CCSER1: variants seen among roughly 807,000 people sequenced by gnomAD.
CCSER1 encodes the protein coiled-coil serine rich protein 1.
Under a neutral mutation model 82.0 loss-of-function variants are expected in CCSER1, and 41 were observed. The ratio of observed to expected loss-of-function variants is 0.50; its 90% CI spans 0.39 to 0.65. The LOEUF (loss-of-function observed/expected upper bound fraction) is 0.65, where lower values mean the gene tolerates loss of function less well. Among genes scored for constraint, CCSER1 ranks in the 30% least tolerant of loss-of-function variants. CCSER1 has a pLI of 0.00. For missense variants in CCSER1, 1,119 were observed against 1,064.2 expected, an observed-to-expected ratio of 1.05 and a Z score of -0.72; for synonymous variants, 414 against 383.9, an observed-to-expected ratio of 1.08 and a Z score of -0.92.
chr4:90,813,476 C>A (rs1258244620), intron 7 of CCSER1, among the ~76,000 whole-genome samples: 1 of 152,190 alleles, frequency 6.6e-6, no homozygotes, highest in Non-Finnish European at 1.5e-5. Flanking sequence ...CCACCCAAAT[C>A]TCAACTTGAA....
chr4:91,383,858 G>A (rs957585888), intron 10 of CCSER1, among the ~76,000 whole-genome samples: 4 of 152,172 alleles, frequency 2.6e-5, no homozygotes, highest in Non-Finnish European at 4.4e-5. Flanking sequence ...GTAGCAAGTA[G>A]AGTGTTGCAT....
intron 1 of CCSER1, among the ~76,000 whole-genome samples, chr4:90,162,230 C>A (rs971657034): frequency 2.6e-5 from 4 of 152,062 alleles, no homozygotes; most frequent in African/African-American, 9.7e-5. Context: ...AAGCAGAAAG[C>A]CTTCCCTTTA....
chr4:91,476,295 G>C (rs1039349140), intron 10 of CCSER1, among the ~76,000 whole-genome samples: 1 of 151,664 alleles, frequency 6.6e-6, no homozygotes. Context: ...ATCCTTGCAA[G>C]CATTATTTTC....
chr4:91,016,040 G>T (rs1739402886), intron 9 of CCSER1, among the ~76,000 whole-genome samples: 1 of 151,898 alleles, frequency 6.6e-6, no homozygotes. Flanking sequence ...AGATTTCTTG[G>T]ATCACGAGTT....
intron 7 of CCSER1, among the ~76,000 whole-genome samples, chr4:90,746,544 T>C (rs2149463176): frequency 6.6e-6 from 1 of 152,284 alleles, no homozygotes; most frequent in African/African-American, 2.4e-5. Flanking sequence ...TAGGTCCGAA[T>C]TCATTTTGAG....
chr4:90,135,646 T>C (rs765883108), intron 1 of CCSER1, among the ~76,000 whole-genome samples: 3 of 152,230 alleles, frequency 2.0e-5, no homozygotes, highest in Non-Finnish European at 4.4e-5. Flanking sequence ...GAGTGCTTTC[T>C]AAACGACAGT....
At chr4:91,027,556 C>T (rs144019235) in intron 9 of CCSER1, among the ~76,000 whole-genome samples, 2 of 152,024 alleles carry the variant, frequency 1.3e-5, no homozygotes, top group African/African-American at 4.8e-5. Context: ...CTTTTTGGGG[C>T]ACAGTAAATA....
intron 10 of CCSER1, among the ~76,000 whole-genome samples, chr4:91,374,721 C>T (rs907597445): frequency 1.1e-4 from 17 of 152,192 alleles, no homozygotes; most frequent in African/African-American, 2.2e-4. Flanking sequence ...TTAGGCCGGG[C>T]GTGATGGCTC....
intron 8 of CCSER1, among the ~76,000 whole-genome samples, chr4:90,922,230 A>C (rs535795061): frequency 6.6e-6 from 1 of 151,974 alleles, no homozygotes; most frequent in Non-Finnish European, 1.5e-5. Context: ...TTTGATAAAC[A>C]TCTCAGATAA....
chr4:90,425,614 A>G (rs1757414935), intron 4 of CCSER1, among the ~76,000 whole-genome samples: 1 of 152,170 alleles, frequency 6.6e-6, no homozygotes, highest in African/African-American at 2.4e-5. Flanking sequence ...CCAGAGTAAT[A>G]ATCTAGCCTC....
Position 91,174,973 on chromosome 4 carries a change from TCC to T in CCSER1, c.2217+88984_2217+88985del, listed in dbSNP as rs1369639574. Among the ~76,000 whole-genome samples, 449 of 152,028 alleles carry T rather than the reference TCC, an allele frequency of 3.0e-3. 1 individual carries two copies. Among genetic ancestry groups the T allele is most frequent in the African/African-American group, 0.01 (423 of 41,464 alleles). On this transcript the variant is annotated intron_variant, in intron 10 of 10. Coordinates refer to ENST00000509176, the MANE Select transcript of CCSER1 (RefSeq NM_001145065.2). Reference sequence around the variant, plus strand: ...ATCTCCTAATGCTATCTCTCCCTGCTCCCCCCACCCCACAACAGGCCCCAGTG... The same window carrying T: ...ATCTCCTAATGCTATCTCTCCCTGCTCCCCACCCCACAACAGGCCCCAGTG...
At chr4:91,056,043 T>C (rs1743415633) in intron 9 of CCSER1, among the ~76,000 whole-genome samples, 1 of 152,134 alleles carries the variant, frequency 6.6e-6, no homozygotes, top group Admixed American at 6.6e-5. Flanking sequence ...TTGGTTACTT[T>C]TTAAGTTTTT....
intron 7 of CCSER1, among the ~76,000 whole-genome samples, chr4:90,779,973 C>A (rs553898957): frequency 6.6e-6 from 1 of 152,232 alleles, no homozygotes; most frequent in South Asian, 2.1e-4. Flanking sequence ...TTAAATTATT[C>A]TTTAAATAAT....
At position 90,932,171 on chromosome 4, in the gene CCSER1, T is replaced by C. The variant is rs115447920; in HGVS notation, c.2172+8724T>C. Among the ~76,000 whole-genome samples, 1,216 of 152,324 alleles carry C rather than the reference T, an allele frequency of 8.0e-3. 7 individuals are homozygous for C. The highest frequency in any genetic ancestry group is 0.011 in the Non-Finnish European group (774 of 68,016). On this transcript the variant is annotated intron_variant, in intron 9 of 10. Coordinates refer to ENST00000509176, the MANE Select transcript of CCSER1 (RefSeq NM_001145065.2). ...ATTGTTAAGATGGTAATTAGAATTTTAAATTTATAAAGTTGATCTATTATA... is the reference window on the plus strand; with the variant it reads ...ATTGTTAAGATGGTAATTAGAATTTCAAATTTATAAAGTTGATCTATTATA...
chr4:90,508,313 C>A (rs907675004), intron 5 of CCSER1, among the ~76,000 whole-genome samples: 1 of 151,890 alleles, frequency 6.6e-6, no homozygotes, highest in Non-Finnish European at 1.5e-5. Context: ...TTTATCTCAC[C>A]TTGAATGTCC....
At position 90,513,879 on chromosome 4, in the gene CCSER1, G is replaced by C. The variant is rs184828364; in HGVS notation, c.1724+45525G>C. 1.4e-4 allele frequency among the ~76,000 whole-genome samples: 22 copies of C among 152,214 alleles called. No individual in the cohort carries two copies. The East Asian group carries it at 4.1e-3, about 28-fold the overall frequency. ...TGATGTTACGAGTTTCAAAGCTGTG[G>C]GTGGATTACAGAGGTAGGAGGCAGA... is the stretch of plus-strand genomic sequence containing the variant. On this transcript the variant is annotated intron_variant, in intron 5 of 10. Coordinates refer to ENST00000509176, the MANE Select transcript of CCSER1 (RefSeq NM_001145065.2).
chr4:91,537,575 G>T (rs1761358657), intron 10 of CCSER1, among the ~76,000 whole-genome samples: 1 of 151,956 alleles, frequency 6.6e-6, no homozygotes, highest in Non-Finnish European at 1.5e-5. Flanking sequence ...ATGATCTTTT[G>T]TATTGGTTCG....
At chr4:90,923,556 G>C in intron 9 of CCSER1, 109 bp downstream of exon 9, 1 of 718,700 alleles carries the variant, frequency 1.4e-6, no homozygotes, top group Middle Eastern at 2.4e-4. Context: ...ACAGGATTTA[G>C]CGGTGCACCA....
intron 10 of CCSER1, among the ~76,000 whole-genome samples, chr4:91,154,984 T>G (rs1428913398): frequency 6.6e-6 from 1 of 151,838 alleles, no homozygotes; most frequent in Non-Finnish European, 1.5e-5. Context: ...CAAGCAATTT[T>G]CTTCCAAGGC....
Sources: allele counts gnomAD v4.1 joint callset (sites outside exome capture counted in the v4.1 genomes callset), GRCh38; gene constraint gnomAD v4.1.1; transcripts MANE v1.5; gene names NCBI Gene and HGNC (gene_info 2026-07-23, HGNC 2026-07-21).